Variants in STK10 observed in about 807,000 individuals in gnomAD.
The protein encoded by STK10 is serine/threonine kinase 10.
STK10 carries 78 observed loss-of-function variants against 113.8 expected under a neutral mutation model. The observed-to-expected ratio is 0.69, with a 90% confidence interval of 0.57 to 0.83. STK10 has a LOEUF of 0.83. STK10 is among the 40% of genes least tolerant of loss of function. The probability of loss-of-function intolerance (pLI) is 0.00; values close to 1 mark genes in which losing one functional copy is unlikely to be tolerated. For missense variants in STK10, 1,109 were observed against 1,280.1 expected (o/e 0.87, Z 2.04); for synonymous variants, 465 against 494.7 (o/e 0.94, Z 0.80).
At chr5:172,146,010 C>T (rs190972588) in intron 2 of STK10, among the ~76,000 whole-genome samples, 14 of 152,348 alleles carry the variant, frequency 9.2e-5, no homozygotes, top group Admixed American at 2.0e-4. Context: ...TAAAACACTG[C>T]GCACACACAC....
chr5:172,148,075 C>T (rs1770121869), intron 2 of STK10, among the ~76,000 whole-genome samples: 1 of 152,140 alleles, frequency 6.6e-6, no homozygotes, highest in African/African-American at 2.4e-5. Context: ...CCATGAAAGC[C>T]ACGAGCAGGT....
rs533256883 is a variant in STK10 at position 172,106,612 on chromosome 5, C to A, written c.788+8G>T. ...ACCCCGGCAGGTGGCCCTGCCCCTG[C>A]CCCTCACCACTTAGAGGGCGTGAGC... is the stretch of plus-strand genomic sequence containing the variant. On this transcript the variant is annotated splice_region_variant and intron_variant, in intron 6 of 18. Coordinates refer to ENST00000176763, the MANE Select transcript of STK10 (RefSeq NM_005990.4). The A allele has an allele frequency of 2.7e-5, 44 of 1,610,102 alleles. No individual in the cohort carries two copies. The East Asian group carries it at 8.3e-4, about 30-fold the overall frequency.
At chr5:172,131,631 CT>C (rs1769759646) in intron 2 of STK10, among the ~76,000 whole-genome samples, 1 of 152,126 alleles carries the variant, frequency 6.6e-6, no homozygotes, top group Non-Finnish European at 1.5e-5. Flanking sequence ...GCCTTACTTG[CT>C]TTTTTTAGTA....
At chr5:172,139,209 C>A (rs1384323792) in intron 2 of STK10, among the ~76,000 whole-genome samples, 2 of 152,154 alleles carry the variant, frequency 1.3e-5, no homozygotes, top group East Asian at 3.9e-4. Flanking sequence ...ATTATGGAAT[C>A]TCAAGGGACC....
At chr5:172,146,988 C>T (rs767342130) in intron 2 of STK10, among the ~76,000 whole-genome samples, 8 of 152,222 alleles carry the variant, frequency 5.3e-5, no homozygotes, top group Admixed American at 2.6e-4. Flanking sequence ...ACCAGTTGCA[C>T]GTCGAGGCCT....
At position 172,044,979 on chromosome 5, in the gene STK10, A is replaced by G; in HGVS notation, c.2810T>C (p.Met937Thr). The change falls in exon 19 of 19, where the codon ATG becomes ACG. Residue 937 changes from methionine to threonine, a missense_variant. By Grantham distance (81) the Met-to-Thr change is moderately conservative (BLOSUM62 -1). Transcript: ENST00000176763. The surrounding 1 kb of genome is among the most constrained non-coding windows in gnomAD (Gnocchi z 4.5). ...DLNQKKREQE[M>T]FFKLSEEAEC... The stretch of plus-strand genomic sequence containing the variant: ...CGCCTCCTCGCTCAGCTTGAAGAAC[A>G]TCTCCTGCTCCCGCTTCTTCTGGTT... 1 of 1,614,174 alleles carries G rather than the reference A, an allele frequency of 6.2e-7. No individual in the cohort carries two copies. The highest frequency in any genetic ancestry group is 8.5e-7 in the Non-Finnish European group (1 of 1,180,030).
At chr5:172,076,214 G>A (rs1768302803) in intron 12 of STK10, among the ~76,000 whole-genome samples, 1 of 106,760 alleles carries the variant, frequency 9.4e-6, no homozygotes, top group African/African-American at 4.5e-5. Context: ...ATTTGTTGTG[G>A]GGGCGTCCTG....
At chr5:172,132,413 T>C (rs958935949) in intron 2 of STK10, among the ~76,000 whole-genome samples, 7 of 152,134 alleles carry the variant, frequency 4.6e-5, no homozygotes, top group African/African-American at 1.7e-4. Flanking sequence ...AATAACCTAC[T>C]GCTACAGATA....
rs193263303 is a variant in STK10, at chr5:172,169,065, T to G, written c.157-12277A>C. ...TCCCAGCCCTCTTCATGCTCCCTCC[T>G]CCACAGAGAACACCTCCTCCCTACC... On this transcript the variant is annotated intron_variant, in intron 1 of 18. Coordinates refer to ENST00000176763, the MANE Select transcript of STK10 (RefSeq NM_005990.4). Among the ~76,000 whole-genome samples the G allele has an allele frequency of 7.0e-3, 1,066 of 152,070 alleles. 17 individuals carry two copies. Among genetic ancestry groups the G allele is most frequent in the African/African-American group, 0.024 (989 of 41,480 alleles).
chr5:172,124,897 A>G (rs1769588960), intron 3 of STK10, among the ~76,000 whole-genome samples: 1 of 152,100 alleles, frequency 6.6e-6, no homozygotes, highest in African/African-American at 2.4e-5. Context: ...TTTTTCCCCC[A>G]CTATTTTAAA....
intron 18 of STK10, chr5:172,045,440 C>A (rs528354427): frequency 2.3e-4 from 106 of 457,182 alleles, no homozygotes; most frequent in Non-Finnish European, 4.0e-4. Context: ...GTTGAGATTG[C>A]GCCACTGCAC....
chr5:172,098,826 T>C (rs115242427), intron 7 of STK10, among the ~76,000 whole-genome samples: 4,326 of 152,194 alleles, frequency 0.028, 224 homozygotes, highest in African/African-American at 0.098. Flanking sequence ...ATAAGCATTA[T>C]GGTAAATGCT....
intron 2 of STK10, among the ~76,000 whole-genome samples, chr5:172,137,289 T>C (rs540911152): frequency 6.6e-6 from 1 of 152,200 alleles, no homozygotes; most frequent in African/African-American, 2.4e-5. Flanking sequence ...GCCTCTGACA[T>C]ACTGATGCAA....
intron 13 of STK10, among the ~76,000 whole-genome samples, chr5:172,062,370 A>G (rs1355937026): frequency 3.3e-5 from 5 of 152,220 alleles, no homozygotes; most frequent in Non-Finnish European, 5.9e-5. Context: ...AGGTATGTCT[A>G]TACAAGTGTA....
chr5:172,047,899 GTTTTTTTTTT>G (rs11438537), intron 18 of STK10, among the ~76,000 whole-genome samples: 1 of 109,802 alleles, frequency 9.1e-6, no homozygotes, highest in Non-Finnish European at 1.8e-5. Context: ...TGTTTTTTGG[GTTTTTTTTTT>G]TTTTTTTTTT....
chr5:172,105,440 C>G, intron 7 of STK10: 2 of 582,880 alleles, frequency 3.4e-6, no homozygotes, highest in Admixed American at 3.0e-5. Context: ...CTGGAACACA[C>G]GCTCCATGAG....
intron 10 of STK10, 122 bp from the exon 11 acceptor site, chr5:172,083,206 G>T: frequency 7.9e-7 from 1 of 1,258,184 alleles, no homozygotes; most frequent in Non-Finnish European, 1.1e-6. Context: ...CTGGGGCACA[G>T]GCATGACTAG....
At chr5:172,087,520 T>C (rs1768594134) in intron 10 of STK10, among the ~76,000 whole-genome samples, 1 of 151,972 alleles carries the variant, frequency 6.6e-6, no homozygotes. Flanking sequence ...GGTGATCCAC[T>C]CGCCTAGGCC....
At chr5:172,116,724 C>T (rs6889802) in intron 4 of STK10, among the ~76,000 whole-genome samples, 21,208 of 151,182 alleles carry the variant, frequency 0.14, 1,529 homozygotes, top group African/African-American at 0.18. Flanking sequence ...AAAAATTAGC[C>T]AGGTGTGGTG....
Sources: allele counts gnomAD v4.1 joint callset (sites outside exome capture counted in the v4.1 genomes callset), GRCh38; gene constraint gnomAD v4.1.1; non-coding constraint Gnocchi (gnomAD v3.1); transcripts MANE v1.5; gene names NCBI Gene and HGNC (gene_info 2026-07-23, HGNC 2026-07-21).